The following LMAN2 variants were observed in gnomAD, a reference collection of about 807,000 sequenced individuals.
The protein encoded by LMAN2 is vesicular integral-membrane protein VIP36.
Under a neutral mutation model 39.3 loss-of-function variants are expected in LMAN2, and 22 were observed. That is an observed-to-expected ratio of 0.56 (90% CI 0.40 to 0.80). LMAN2 has a LOEUF of 0.80. LMAN2 is among the 30% of genes least tolerant of loss of function. The pLI is 0.00. For missense variants in LMAN2, 494 were observed against 505.4 expected (o/e 0.98, Z 0.22); for synonymous variants, 207 against 207.8 (o/e 1.00, Z 0.03).
rs538648631 is a variant in LMAN2 at position 177,344,908 on chromosome 5, AAAAAG to A, written c.315+6260_315+6264del. Among the ~76,000 whole-genome samples, 824 of 151,608 alleles carry A rather than the reference AAAAAG, an allele frequency of 5.4e-3. 9 individuals carry two copies. The highest frequency in any genetic ancestry group is 0.019 in the African/African-American group (761 of 40,964). ...GCAACAGAGTGAGACCCTGTCTCAAAAAAAGAAAAGAAAAGAAAAGAAGAGAAAGA... is the reference window on the plus strand; with the variant it reads ...GCAACAGAGTGAGACCCTGTCTCAAAAAAAGAAAAGAAAAGAAGAGAAAGA... On this transcript the variant is annotated intron_variant, in intron 2 of 7. Coordinates refer to ENST00000303127, the MANE Select transcript of LMAN2 (RefSeq NM_006816.3).
chr5:177,348,687 C>CAAA (rs35269220), intron 2 of LMAN2, among the ~76,000 whole-genome samples: 5 of 33,856 alleles, frequency 1.5e-4, no homozygotes, highest in Non-Finnish European at 1.6e-4. Flanking sequence ...GACTCTGTCT[C>CAAA]AAAAAAAAAA....
chr5:177,343,180 G>A (rs1408328806), intron 2 of LMAN2, among the ~76,000 whole-genome samples: 3 of 152,118 alleles, frequency 2.0e-5, no homozygotes, highest in Non-Finnish European at 4.4e-5. Flanking sequence ...ACTTGAACCC[G>A]GGAGGCAGAG....
At position 177,351,505 on chromosome 5, in the gene LMAN2, T is replaced by G. The variant is rs774146387; in HGVS notation, c.143A>C (p.Asp48Ala). 1 of 1,614,220 alleles carries G rather than the reference T, an allele frequency of 6.2e-7. No individual in the cohort carries two copies. Among genetic ancestry groups the G allele is most frequent in the South Asian group, 1.1e-5 (1 of 91,092 alleles). ...CCGCTTGAGATGTTCACTGTTGCCG[T>G]CAGTTATATCCGCAGTCACAGACCC... ...LLGSVTADIT[D>A]GNSEHLKREH... Residue 48 changes from aspartate to alanine, a missense_variant, in exon 1 of 8, where the codon GAC (aspartate) becomes GCC (alanine). Asp to Ala is a moderately radical substitution (Grantham distance 126). Transcript: ENST00000303127.
In LMAN2 at chr5:177,331,858, C is replaced by CA. The variant is rs1188775566; in HGVS notation, c.*227dup. On this transcript the variant is annotated 3_prime_UTR_variant, in exon 8 of 8. Coordinates refer to ENST00000303127, the MANE Select transcript of LMAN2 (RefSeq NM_006816.3). ...ACACAGACCCCTGCTCCTGAGACAC[C>CA]AGCCCCAGGAGAGCCTCCGTCTCCA... is the stretch of plus-strand genomic sequence containing the variant. 2 of 499,582 alleles carry CA rather than the reference C, an allele frequency of 4.0e-6. No individual in the cohort carries two copies. Among genetic ancestry groups the CA allele is most frequent in the East Asian group, 3.3e-5 (1 of 30,104 alleles). 30.9% of individuals were successfully genotyped at this position (499,582 alleles called of 1,614,324 possible).
At chr5:177,348,779 G>T (rs963800508) in intron 2 of LMAN2, among the ~76,000 whole-genome samples, 1 of 150,788 alleles carries the variant, frequency 6.6e-6, no homozygotes, top group Non-Finnish European at 1.5e-5. Flanking sequence ...AGCTACTCAG[G>T]GGGCTGAGGC....
chr5:177,340,765 T>G (rs1447188784), intron 2 of LMAN2, among the ~76,000 whole-genome samples: 21 of 149,632 alleles, frequency 1.4e-4, no homozygotes, highest in Middle Eastern at 3.4e-3. Context: ...GTGAGACTCT[T>G]TCTCAAAAAA....
intron 2 of LMAN2, among the ~76,000 whole-genome samples, chr5:177,339,539 C>T (rs1761522976): frequency 6.6e-6 from 1 of 152,222 alleles, no homozygotes; most frequent in South Asian, 2.1e-4. Flanking sequence ...AAGGTGTCAA[C>T]ACACACGGTG....
chr5:177,338,060 A>T (rs1454410307), intron 3 of LMAN2, among the ~76,000 whole-genome samples: 3 of 152,042 alleles, frequency 2.0e-5, no homozygotes, highest in Admixed American at 2.0e-4. Context: ...GCCTACAAAA[A>T]ACAGTGAGCC....
At chr5:177,335,546 T>C (rs1761457346) in intron 6 of LMAN2, among the ~76,000 whole-genome samples, 1 of 152,052 alleles carries the variant, frequency 6.6e-6, no homozygotes, top group African/African-American at 2.4e-5. Context: ...TCTGCTCCTA[T>C]CAAGAACCCT....
At chr5:177,339,588 T>A (rs1258012145) in intron 2 of LMAN2, among the ~76,000 whole-genome samples, 1 of 152,226 alleles carries the variant, frequency 6.6e-6, no homozygotes, top group Non-Finnish European at 1.5e-5. Flanking sequence ...GATGGGTATG[T>A]AAGCAAGTGA....
chr5:177,331,869 G>C lies in LMAN2; in HGVS notation c.*217C>G, dbSNP rs1761389462. 1.9e-6 allele frequency: 1 copy of C among 523,882 alleles called. No homozygotes were observed. Among genetic ancestry groups the C allele is most frequent in the Non-Finnish European group, 3.3e-6 (1 of 299,200 alleles). 32.5% of individuals were successfully genotyped at this position (523,882 alleles called of 1,614,324 possible). ...TGCTCCTGAGACACCAGCCCCAGGAGAGCCTCCGTCTCCAGCTGTGGGGGG... is the reference window on the plus strand; with the variant it reads ...TGCTCCTGAGACACCAGCCCCAGGACAGCCTCCGTCTCCAGCTGTGGGGGG... On this transcript the variant is annotated 3_prime_UTR_variant, in exon 8 of 8. Coordinates refer to ENST00000303127, the MANE Select transcript of LMAN2 (RefSeq NM_006816.3).
At chr5:177,351,427 C>T (rs1292676120) in intron 1 of LMAN2, 25 bp downstream of exon 1, 3 of 1,609,088 alleles carry the variant, frequency 1.9e-6, no homozygotes, top group Admixed American at 1.7e-5. Context: ...TCACTCTTCA[C>T]TCATTCCCGC....
rs935441483 is a variant in LMAN2, at chr5:177,351,650, T to G, written c.-3A>C. 6.3e-7 allele frequency: 1 copy of G among 1,582,366 alleles called. No individual in the cohort carries two copies. Among genetic ancestry groups the G allele is most frequent in the Non-Finnish European group, 8.6e-7 (1 of 1,167,044 alleles). On this transcript the variant is annotated 5_prime_UTR_variant, in exon 1 of 8. Coordinates refer to ENST00000303127, the MANE Select transcript of LMAN2 (RefSeq NM_006816.3). ...CAAATCCAGCCTTCCGCCGCCATTC[T>G]CCTCTCCTCTCGGCCACTTCCGCCC...
chr5:177,345,736 C>CATGCATTCATTT (rs1554092034), intron 2 of LMAN2, among the ~76,000 whole-genome samples: 1 of 135,476 alleles, frequency 7.4e-6, no homozygotes, highest in Non-Finnish European at 1.6e-5. Context: ...CCATGGCATG[C>CATGCATTCATTT]ATTTATTTAT....
rs1248548718 is a variant in LMAN2 at position 177,337,148 on chromosome 5, C to T, written c.778G>A (p.Gly260Ser). Residue 260 changes from glycine (G) to serine (S), a missense_variant, in exon 6 of 8, where the codon GGC becomes AGC. Gly to Ser is a moderately conservative substitution (Grantham distance 56). Transcript: ENST00000303127. The surrounding 1 kb of genome is among the most constrained non-coding windows in gnomAD (Gnocchi z 8.2). ...CCGGCCCACTCACCAGACAGGTCGCCGGTGCCGGCGGAGGCCCCGAAGTAG... is the reference window on the plus strand; with the variant it reads ...CCGGCCCACTCACCAGACAGGTCGCTGGTGCCGGCGGAGGCCCCGAAGTAG... ...GYYFGASAGTGDLSDNHDIIS... is the reference protein window; with the variant it reads ...GYYFGASAGTSDLSDNHDIIS... 5.0e-6 allele frequency: 8 copies of T among 1,612,954 alleles called. No homozygotes were observed. Among genetic ancestry groups the T allele is most frequent in the Non-Finnish European group, 6.8e-6 (8 of 1,179,668 alleles).
Position 177,332,008 on chromosome 5 carries a change from G to T in LMAN2, c.*78C>A. On this transcript the variant is annotated 3_prime_UTR_variant, in exon 8 of 8. Coordinates refer to ENST00000303127, the MANE Select transcript of LMAN2 (RefSeq NM_006816.3). The surrounding 1 kb of genome is among the most constrained non-coding windows in gnomAD (Gnocchi z 6.3). ...AGTTAAGAAATAAGGTCATCTTGTTGTTCTTTTATAATCCCGGTAAAAAAA... is the reference window on the plus strand; with the variant it reads ...AGTTAAGAAATAAGGTCATCTTGTTTTTCTTTTATAATCCCGGTAAAAAAA... 1.5e-6 allele frequency: 2 copies of T among 1,375,116 alleles called. No homozygotes were observed. The highest frequency in any genetic ancestry group is 2.0e-6 in the Non-Finnish European group (2 of 1,009,168). 85.2% of individuals were successfully genotyped at this position (1,375,116 alleles called of 1,614,324 possible).
intron 2 of LMAN2, among the ~76,000 whole-genome samples, chr5:177,345,639 C>A (rs897625663): frequency 6.6e-6 from 1 of 152,146 alleles, no homozygotes; most frequent in Non-Finnish European, 1.5e-5. Context: ...ACAGGCGCTG[C>A]AGAGCTGTGG....
Position 177,332,352 on chromosome 5 carries a change from G to A in LMAN2, c.911-106C>T. The A allele has an allele frequency of 3.7e-6, 4 of 1,083,388 alleles. No individual in the cohort carries two copies. The highest frequency in any genetic ancestry group is 5.1e-5 in the East Asian group (2 of 39,248). The allele number at this position is 1,083,388 out of a possible 1,614,324, so 67.1% of individuals were successfully genotyped here. ...ACAGGACAGCCGGCCACGGTGGGCA[G>A]GCCGGTCGTACTCACCCCCCTCACC... On this transcript the variant is annotated intron_variant, in intron 7 of 7. Coordinates refer to ENST00000303127, the MANE Select transcript of LMAN2 (RefSeq NM_006816.3). This position sits in a 1 kb window ranked among gnomAD's most constrained non-coding sequence, Gnocchi z 6.3.
intron 2 of LMAN2, among the ~76,000 whole-genome samples, chr5:177,345,536 A>G (rs948045025): frequency 3.9e-5 from 6 of 152,028 alleles, no homozygotes; most frequent in African/African-American, 1.4e-4. Context: ...ACGCTAAAAC[A>G]TAAAGAAATG....
Sources: gnomAD v4.1 joint callset for allele counts (sites outside exome capture counted in the v4.1 genomes callset) on GRCh38, gnomAD v4.1.1 for gene constraint, Gnocchi (gnomAD v3.1) non-coding constraint, MANE v1.5 for transcripts, NCBI Gene and HGNC (gene_info 2026-07-23, HGNC 2026-07-21) for gene names.